The following SUPT3H variants were observed in gnomAD, a reference collection of about 807,000 sequenced individuals.
The protein encoded by SUPT3H is SPT3 homolog, SAGA and STAGA complex component, also known as transcription initiation protein SPT3 homolog.
In SUPT3H, 44 loss-of-function variants were observed where a neutral mutation model predicts 44.3. The observed-to-expected ratio is 0.99, with a 90% CI of 0.78 to 1.28. The LOEUF is 1.28. Ranked by LOEUF, SUPT3H falls within the 50% of genes most tolerant of loss-of-function variation. SUPT3H has a pLI of 0.00. For synonymous variants in SUPT3H, 124 were observed against 125.6 expected (o/e 0.99, Z 0.09); for missense variants, 380 against 387.1 (o/e 0.98, Z 0.15).
At chr6:45,281,223 G>T (rs1777992918) in intron 2 of SUPT3H, among the ~76,000 whole-genome samples, 1 of 152,232 alleles carries the variant, frequency 6.6e-6, no homozygotes, top group African/African-American at 2.4e-5. Context: ...TCATCTCACT[G>T]TGGACTGTCA....
chr6:45,161,640 T>C (rs1808987874), intron 2 of SUPT3H, among the ~76,000 whole-genome samples: 1 of 152,144 alleles, frequency 6.6e-6, no homozygotes, highest in African/African-American at 2.4e-5. Flanking sequence ...CTTATTTGAC[T>C]TTGACCCTCC....
At chr6:44,975,169 T>TCAAACAA (rs1778148379) in intron 6 of SUPT3H, among the ~76,000 whole-genome samples, 1 of 150,628 alleles carries the variant, frequency 6.6e-6, no homozygotes, top group African/African-American at 2.5e-5. Flanking sequence ...AGACTCCATC[T>TCAAACAA]CAAACAAACA....
chr6:45,315,145 G>A (rs1784496770), intron 2 of SUPT3H, among the ~76,000 whole-genome samples: 2 of 152,098 alleles, frequency 1.3e-5, no homozygotes, highest in African/African-American at 4.8e-5. Flanking sequence ...ACTCAAGATG[G>A]ATTAAGGACT....
intron 2 of SUPT3H, among the ~76,000 whole-genome samples, chr6:45,296,214 A>ACACACACACACACACAAT (rs768394891): frequency 6.6e-6 from 1 of 151,212 alleles, no homozygotes; most frequent in Non-Finnish European, 1.5e-5. Context: ...ACACACACAC[A>ACACACACACACACACAAT]ATGCAACACT....
At chr6:45,062,437 G>C (rs1307966843) in intron 3 of SUPT3H, among the ~76,000 whole-genome samples, 1 of 151,334 alleles carries the variant, frequency 6.6e-6, no homozygotes, top group Non-Finnish European at 1.5e-5. Context: ...CTTCTAAAGA[G>C]TACACTGTAG....
At chr6:45,285,226 T>A (rs1226048541) in intron 2 of SUPT3H, among the ~76,000 whole-genome samples, 1 of 151,288 alleles carries the variant, frequency 6.6e-6, no homozygotes, top group African/African-American at 2.4e-5. Context: ...CAACATAGTG[T>A]TGGAAGTTCT....
chr6:45,007,391 C>T (rs1248283177), intron 5 of SUPT3H, among the ~76,000 whole-genome samples: 1 of 152,088 alleles, frequency 6.6e-6, no homozygotes, highest in Admixed American at 6.6e-5. Flanking sequence ...CTATCATATG[C>T]ATCTTAACTC....
chr6:44,815,112 ATG>A (rs1411040963), intron 11 of SUPT3H, among the ~76,000 whole-genome samples: 1 of 152,324 alleles, frequency 6.6e-6, no homozygotes, highest in South Asian at 2.1e-4. Flanking sequence ...GTGTATTAAA[ATG>A]TCAGTCACGT....
intron 2 of SUPT3H, among the ~76,000 whole-genome samples, chr6:45,190,746 A>AG (rs1814992291): frequency 6.6e-6 from 1 of 152,134 alleles, no homozygotes; most frequent in South Asian, 2.1e-4. Context: ...AAAAGTAAGA[A>AG]AATAAGAATC....
chr6:45,117,126 T>C (rs1202423785), intron 2 of SUPT3H, among the ~76,000 whole-genome samples: 2 of 152,042 alleles, frequency 1.3e-5, no homozygotes, highest in Non-Finnish European at 2.9e-5. Context: ...AAAAAAAAGT[T>C]ATAAAACTTT....
chr6:44,887,056 A>G (rs1408942311), intron 10 of SUPT3H, among the ~76,000 whole-genome samples: 3 of 152,232 alleles, frequency 2.0e-5, no homozygotes, highest in Admixed American at 6.5e-5. Context: ...TCAATACAAC[A>G]AGAAGAGCTA....
chr6:44,848,052 TG>T (rs1231707250), intron 10 of SUPT3H, among the ~76,000 whole-genome samples: 1 of 144,400 alleles, frequency 6.9e-6, no homozygotes, highest in Admixed American at 7.3e-5. Context: ...CTGCAACCTC[TG>T]TCTTGTGGTT....
rs1210348885 is a variant in SUPT3H, at chr6:44,857,100, A to T, written c.913-27243T>A. On this transcript the variant is annotated intron_variant, in intron 10 of 10. Coordinates refer to ENST00000371459, the MANE Select transcript of SUPT3H (RefSeq NM_003599.4). ...CAAAGAAATAATCCCTTTATTAAAA[A>T]TTCAGATTTTCAATAGTATATTAAT... Among the ~76,000 whole-genome samples the T allele has an allele frequency of 2.6e-5, 4 of 151,846 alleles. No individual in the cohort carries two copies. The East Asian group carries it at 7.7e-4, about 29-fold the overall frequency.
intron 2 of SUPT3H, among the ~76,000 whole-genome samples, chr6:45,179,446 T>C (rs1315106134): frequency 1.3e-5 from 2 of 152,190 alleles, no homozygotes; most frequent in Non-Finnish European, 2.9e-5. Flanking sequence ...TTTAGACCAA[T>C]ATCCTTGATG....
chr6:45,172,552 G>T (rs1447756033), intron 2 of SUPT3H, among the ~76,000 whole-genome samples: 1 of 148,948 alleles, frequency 6.7e-6, no homozygotes, highest in Admixed American at 6.7e-5. Flanking sequence ...CCTGAAAACA[G>T]GAAAAAAAAA....
intron 3 of SUPT3H, among the ~76,000 whole-genome samples, chr6:45,036,210 AG>A (rs1205640941): frequency 1.3e-5 from 2 of 152,144 alleles, no homozygotes; most frequent in African/African-American, 2.4e-5. Flanking sequence ...AAATAAGAAG[AG>A]TAGGAAGGAT....
At position 44,932,148 on chromosome 6, in the gene SUPT3H, A is replaced by G. The variant is rs1032440110; in HGVS notation, c.912+505T>C. 7.9e-5 allele frequency among the ~76,000 whole-genome samples: 12 copies of G among 152,290 alleles called. 1 individual carries two copies. Among genetic ancestry groups the G allele is most frequent in the African/African-American group, 2.9e-4 (12 of 41,568 alleles). Reference sequence around the variant, plus strand: ...ATCAGGTCTTTAATTCCCCATTAAAACAACACAAAACCCTGATTATAAGTT... The same window carrying G: ...ATCAGGTCTTTAATTCCCCATTAAAGCAACACAAAACCCTGATTATAAGTT... On this transcript the variant is annotated intron_variant, in intron 10 of 10. Transcript: ENST00000371459.
At chr6:44,856,158 C>T (rs1452147292) in intron 10 of SUPT3H, among the ~76,000 whole-genome samples, 6 of 152,274 alleles carry the variant, frequency 3.9e-5, no homozygotes, top group South Asian at 2.1e-4. Flanking sequence ...CTCAGTTGTC[C>T]TTTGCTTCCC....
At chr6:44,966,641 C>A (rs560686213) in intron 6 of SUPT3H, among the ~76,000 whole-genome samples, 6 of 152,214 alleles carry the variant, frequency 3.9e-5, no homozygotes, top group African/African-American at 1.4e-4. Context: ...AGTTACTATT[C>A]TAGATCATAT....
Sources: gnomAD v4.1 joint callset for allele counts (sites outside exome capture counted in the v4.1 genomes callset) on GRCh38, gnomAD v4.1.1 for gene constraint, MANE v1.5 for transcripts, NCBI Gene and HGNC (gene_info 2026-07-23, HGNC 2026-07-21) for gene names.